The following CAMKMT variants were observed in gnomAD, a reference collection of about 807,000 sequenced individuals.
The protein encoded by CAMKMT is CaM KMT.
Under a neutral mutation model 48.0 loss-of-function variants are expected in CAMKMT, and 53 were observed. That is an observed-to-expected ratio of 1.10 (90% CI 0.89 to 1.39). The LOEUF (loss-of-function observed/expected upper bound fraction) is 1.39, where lower values mean the gene tolerates loss of function less well. Among genes scored for constraint, CAMKMT ranks in the 40% most tolerant of loss-of-function variants. CAMKMT has a pLI of 0.00. For missense variants in CAMKMT, 428 were observed against 402.7 expected (o/e 1.06, Z -0.54); for synonymous variants, 165 against 152.3 (o/e 1.08, Z -0.61).
intron 3 of CAMKMT, among the ~76,000 whole-genome samples, chr2:44,613,378 T>C (rs1380331524): frequency 1.3e-5 from 2 of 152,126 alleles, no homozygotes; most frequent in African/African-American, 4.8e-5. Flanking sequence ...CAGATCTCCC[T>C]GTGACCCAGA....
At chr2:44,397,292 G>A (rs1681944938) in intron 3 of CAMKMT, among the ~76,000 whole-genome samples, 1 of 152,108 alleles carries the variant, frequency 6.6e-6, no homozygotes, top group Non-Finnish European at 1.5e-5. Context: ...TATAAGTTGT[G>A]TTACAAAATA....
rs556292449 is a variant in CAMKMT at position 44,745,636 on chromosome 2, T to C, written c.698+1940T>C. Among the ~76,000 whole-genome samples, 8 of 152,212 alleles carry C rather than the reference T, an allele frequency of 5.3e-5. No homozygotes were observed. The South Asian group carries it at 1.7e-3, about 32-fold the overall frequency. ...ATTTTATAAATGGCTTTTCCATGCA[T>C]GAATTGTTTTTTTTTTTCCCCTGGG... On this transcript the variant is annotated intron_variant, in intron 8 of 10. Coordinates refer to ENST00000378494, the MANE Select transcript of CAMKMT (RefSeq NM_024766.5).
In CAMKMT at chr2:44,654,486, A is replaced by G. The variant is rs541700781; in HGVS notation, c.377-49797A>G. 5.3e-5 allele frequency among the ~76,000 whole-genome samples: 8 copies of G among 152,234 alleles called. No homozygotes were observed. In the South Asian group the frequency reaches 1.5e-3, roughly 28 times the overall value. Reference sequence around the variant, plus strand: ...CCTTTAGACCTTTTTACACATATTCATGGGGTCATATGCTACAAACCATTT... The same window carrying G: ...CCTTTAGACCTTTTTACACATATTCGTGGGGTCATATGCTACAAACCATTT... On this transcript the variant is annotated intron_variant, in intron 3 of 10. Transcript: ENST00000378494.
intron 9 of CAMKMT, among the ~76,000 whole-genome samples, chr2:44,757,634 G>A (rs1680436630): frequency 6.6e-6 from 1 of 150,658 alleles, no homozygotes; most frequent in Non-Finnish European, 1.5e-5. Context: ...TGCAATCTCA[G>A]CTTATTGCAA....
chr2:44,416,177 G>A (rs1392264289), intron 3 of CAMKMT, among the ~76,000 whole-genome samples: 1 of 152,088 alleles, frequency 6.6e-6, no homozygotes, highest in Non-Finnish European at 1.5e-5. Flanking sequence ...GATATGTTTT[G>A]GGTGCCATGT....
intron 3 of CAMKMT, among the ~76,000 whole-genome samples, chr2:44,514,644 G>A (rs551681595): frequency 6.6e-6 from 1 of 152,284 alleles, no homozygotes; most frequent in Admixed American, 6.5e-5. Flanking sequence ...CTGAGAGCAG[G>A]GACCTTTTCT....
intron 3 of CAMKMT, among the ~76,000 whole-genome samples, chr2:44,534,514 G>T (rs965537103): frequency 6.6e-6 from 1 of 152,068 alleles, no homozygotes; most frequent in Admixed American, 6.6e-5. Context: ...AAATTTTTAA[G>T]AATAGCAATC....
In CAMKMT at chr2:44,667,828, C is replaced by G. The variant is rs192280355; in HGVS notation, c.377-36455C>G. Reference sequence around the variant, plus strand: ...TTCATTTTGGACCTCCACTCCAACACCGTTTACGTTTTTCATTGCTCATCA... The same window carrying G: ...TTCATTTTGGACCTCCACTCCAACAGCGTTTACGTTTTTCATTGCTCATCA... On this transcript the variant is annotated intron_variant, in intron 3 of 10. Transcript: ENST00000378494. Among the ~76,000 whole-genome samples, 18 of 152,216 alleles carry G rather than the reference C, an allele frequency of 1.2e-4. 1 individual carries two copies. Among genetic ancestry groups the G allele is most frequent in the African/African-American group, 3.6e-4 (15 of 41,462 alleles).
intron 2 of CAMKMT, among the ~76,000 whole-genome samples, chr2:44,375,124 C>T (rs1463969458): frequency 4.0e-5 from 6 of 151,714 alleles, no homozygotes; most frequent in South Asian, 4.2e-4. Flanking sequence ...GAGTGAGACC[C>T]CTTTAGGGAT....
intron 3 of CAMKMT, among the ~76,000 whole-genome samples, chr2:44,552,797 G>C (rs1256414714): frequency 6.6e-6 from 1 of 152,178 alleles, no homozygotes; most frequent in Non-Finnish European, 1.5e-5. Flanking sequence ...CATCAAGCTA[G>C]CCTCTTACCA....
chr2:44,599,318 G>C (rs1037534825), intron 3 of CAMKMT, among the ~76,000 whole-genome samples: 1 of 152,002 alleles, frequency 6.6e-6, no homozygotes, highest in African/African-American at 2.4e-5. Flanking sequence ...ATCTGTCTTT[G>C]CCTGAAGGGC....
chr2:44,678,631 A>G (rs758407187), intron 3 of CAMKMT, among the ~76,000 whole-genome samples: 10 of 152,230 alleles, frequency 6.6e-5, no homozygotes, highest in Admixed American at 3.3e-4. Flanking sequence ...AAAACGGACA[A>G]TACTACTCAA....
chr2:44,549,512 C>T (rs1218883605), intron 3 of CAMKMT: 2 of 692,756 alleles, frequency 2.9e-6, no homozygotes, highest in East Asian at 2.7e-5. Context: ...TACTTTTGCA[C>T]CAACCTAAAA....
intron 9 of CAMKMT, among the ~76,000 whole-genome samples, chr2:44,765,131 G>C (rs1680783459): frequency 1.3e-5 from 2 of 152,246 alleles, no homozygotes; most frequent in East Asian, 3.9e-4. Flanking sequence ...AGGAGGCTGA[G>C]GCAAGAGAAT....
intron 3 of CAMKMT, among the ~76,000 whole-genome samples, chr2:44,555,061 C>A (rs1667935376): frequency 6.6e-6 from 1 of 151,952 alleles, no homozygotes; most frequent in Admixed American, 6.6e-5. Flanking sequence ...GATCTCGGAA[C>A]TGTTGAAAAG....
At chr2:44,400,938 ATATATATATATATATATATATATG>A (rs1379426498) in intron 3 of CAMKMT, 2 of 101,220 alleles carry the variant, frequency 2.0e-5, no homozygotes, top group African/African-American at 5.2e-5. Flanking sequence ...GTGTATATAT[ATATATATATATATATATATATATG>A]TATGTACATA....
rs551135999 is a variant in CAMKMT, at chr2:44,665,013, G to A, written c.377-39270G>A. ...ATTCTGATATAGTTGGTCTAGTATG[G>A]GACTTAAACATTGTCAATTTTAAAA... On this transcript the variant is annotated intron_variant, in intron 3 of 10. Transcript: ENST00000378494. 2.0e-5 allele frequency among the ~76,000 whole-genome samples: 3 copies of A among 152,160 alleles called. No individual in the cohort carries two copies. In the East Asian group the frequency reaches 5.8e-4, roughly 29 times the overall value.
At chr2:44,658,011 G>A (rs993080604) in intron 3 of CAMKMT, among the ~76,000 whole-genome samples, 3 of 152,122 alleles carry the variant, frequency 2.0e-5, no homozygotes, top group Non-Finnish European at 4.4e-5. Flanking sequence ...TTCCAGAAAT[G>A]TAGATACTTT....
At chr2:44,410,376 G>C (rs1270724068) in intron 3 of CAMKMT, among the ~76,000 whole-genome samples, 1 of 144,710 alleles carries the variant, frequency 6.9e-6, no homozygotes, top group Admixed American at 7.1e-5. Flanking sequence ...TCCTGCCTCA[G>C]CCTCCCGAGT....
Sources: gnomAD v4.1 joint callset for allele counts (sites outside exome capture counted in the v4.1 genomes callset) on GRCh38, gnomAD v4.1.1 for gene constraint, MANE v1.5 for transcripts, NCBI Gene and HGNC (gene_info 2026-07-23, HGNC 2026-07-21) for gene names.